The following MATR3 variants were observed in gnomAD, a reference collection of about 807,000 sequenced individuals.
The protein encoded by MATR3 is matrin-3.
In MATR3, 4 loss-of-function variants were observed where a neutral mutation model predicts 85.5. The observed-to-expected ratio is 0.05, with a 90% CI of 0.02 to 0.11. The LOEUF (loss-of-function observed/expected upper bound fraction) is 0.11, where lower values mean the gene tolerates loss of function less well. MATR3 is among the 10% of genes least tolerant of loss of function. MATR3 has a pLI of 1.00. For missense variants in MATR3, 685 were observed against 1,016.1 expected, an observed-to-expected ratio of 0.67 and a Z score of 4.43; for synonymous variants, 336 against 343.1, an observed-to-expected ratio of 0.98 and a Z score of 0.23.
At position 139,325,585 on chromosome 5, in the gene MATR3, A is replaced by G. The variant is rs200320584; in HGVS notation, c.2294A>G (p.Gln765Arg). The stretch of plus-strand genomic sequence containing the variant: ...GATACAAGTGAAAACGCAGATGGTC[A>G]AAGTGATGAGAACAAGGACGACTAT... ...NKDTSENADG[Q>R]SDENKDDYTI... Residue 765 changes from glutamine to arginine, a missense_variant, in exon 13 of 15, where the codon CAA (glutamine) becomes CGA (arginine). Physicochemically the swap from Gln to Arg is conservative, Grantham distance 43 (BLOSUM62 1). Transcript: ENST00000394805. The G allele has an allele frequency of 1.2e-6, 2 of 1,614,226 alleles. No homozygotes were observed. Among genetic ancestry groups the G allele is most frequent in the Non-Finnish European group, 1.7e-6 (2 of 1,180,044 alleles).
At position 139,308,178 on chromosome 5, in the gene MATR3, C is replaced by T. The variant is rs749245217; in HGVS notation, c.763C>T (p.Arg255Cys). 3 of 1,614,068 alleles carry T rather than the reference C, an allele frequency of 1.9e-6. No individual in the cohort carries two copies. Among genetic ancestry groups the T allele is most frequent in the South Asian group, 1.1e-5 (1 of 91,076 alleles). The change falls in exon 2 of 15, where the codon CGT becomes TGT. Residue 255 changes from arginine (R) to cysteine (C), a missense_variant. Around this residue, in one of 9 missense-constraint regions of MATR3, gnomAD observed 223 missense variants for 334.4 expected, o/e 0.67. Transcript: ENST00000394805. ...TGACAGTGAGTATGAGAGAATGGGACGTGGTCCTGGCCCCTTACAAGAGAG... is the reference window on the plus strand; with the variant it reads ...TGACAGTGAGTATGAGAGAATGGGATGTGGTCCTGGCCCCTTACAAGAGAG... Reference protein sequence around the residue: ...KFDSEYERMGRGPGPLQERSL... With the variant: ...KFDSEYERMGCGPGPLQERSL...
rs1176524079 is a variant in MATR3, at chr5:139,329,728, C to T, written c.*333C>T. ...AATGAAATTTAGTAGTTCCAAGTTT[C>T]AAAGAAATGTCAACATTTTATTCCA... is the stretch of plus-strand genomic sequence containing the variant. On this transcript the variant is annotated 3_prime_UTR_variant, in exon 15 of 15. Coordinates refer to ENST00000394805, the MANE Select transcript of MATR3 (RefSeq NM_018834.6). 4 of 458,466 alleles carry T rather than the reference C, an allele frequency of 8.7e-6. No individual in the cohort carries two copies. Among genetic ancestry groups the T allele is most frequent in the Admixed American group, 4.7e-5 (2 of 42,524 alleles). 28.4% of individuals were successfully genotyped at this position (458,466 alleles called of 1,614,324 possible). A position where few individuals can be genotyped will look rare whatever the true frequency, so the allele number is the denominator to read the frequency against.
chr5:139,293,666 G>A, upstream of MATR3: 1 of 259,062 alleles, frequency 3.9e-6, no homozygotes, highest in Non-Finnish European at 7.3e-6. Context: ...GAGCTCTCTC[G>A]CGAGAGTGGG....
At chr5:139,298,895 A>G (rs763380773) in intron 1 of MATR3, among the ~76,000 whole-genome samples, 26 of 152,252 alleles carry the variant, frequency 1.7e-4, no homozygotes, top group Non-Finnish European at 3.2e-4. Context: ...ATGTGCATAC[A>G]TAATGATACC....
upstream of MATR3, among the ~76,000 whole-genome samples, chr5:139,291,075 A>G (rs1169102168): frequency 1.3e-5 from 2 of 152,094 alleles, no homozygotes; most frequent in Non-Finnish European, 2.9e-5. Flanking sequence ...AGCCATGGTC[A>G]CACCACTGCA....
chr5:139,291,938 CTTTTTTTTTTTTTT>C (rs10572568), upstream of MATR3: 1 of 79,796 alleles, frequency 1.3e-5, no homozygotes, highest in Non-Finnish European at 2.4e-5. Flanking sequence ...ATTACATAAC[CTTTTTTTTTTTTTT>C]TTTTTTTTTT....
Position 139,314,753 on chromosome 5 carries a change from C to T in MATR3, c.974+17C>T. 2 of 1,607,692 alleles carry T rather than the reference C, an allele frequency of 1.2e-6. No homozygotes were observed. The highest frequency in any genetic ancestry group is 1.7e-6 in the Non-Finnish European group (2 of 1,174,468). On this transcript the variant is annotated intron_variant, in intron 3 of 14. Coordinates refer to ENST00000394805, the MANE Select transcript of MATR3 (RefSeq NM_018834.6). ...TCTTGAAATGTAGGAGTTTGAAATA[C>T]CTTTAAAACATCCTTATCGTGAATC...
chr5:139,328,712 T>C (rs1460415344), intron 14 of MATR3, among the ~76,000 whole-genome samples: 2 of 152,132 alleles, frequency 1.3e-5, no homozygotes, highest in Non-Finnish European at 2.9e-5. Context: ...TAATGAGTAG[T>C]GCATTGAGGC....
chr5:139,290,148 A>G (rs1009372469), upstream of MATR3, among the ~76,000 whole-genome samples: 1 of 150,504 alleles, frequency 6.6e-6, no homozygotes, highest in South Asian at 2.1e-4. Context: ...ATTGGCGCTC[A>G]GGCCTCTTTT....
upstream of MATR3, chr5:139,293,265 T>C (rs1406397363): frequency 6.6e-6 from 1 of 151,994 alleles, no homozygotes; most frequent in Admixed American, 6.6e-5. Flanking sequence ...GATAAATAAA[T>C]AAACATACCT....
intron 8 of MATR3, 136 bp downstream of exon 8, chr5:139,319,169 A>T (rs910809840): frequency 2.4e-6 from 3 of 1,258,556 alleles, no homozygotes; most frequent in African/African-American, 3.0e-5. Flanking sequence ...TGGGAGGCCA[A>T]GGTCAGAAGG....
At chr5:139,329,300 ATTTCTC>A (rs767602579) in intron 14 of MATR3, 39 bp from the exon 15 acceptor site, 1 of 1,396,632 alleles carries the variant, frequency 7.2e-7, no homozygotes, top group South Asian at 1.2e-5. Flanking sequence ...ATTTTGCTGC[ATTTCTC>A]TTAGGTGACT....
chr5:139,318,640 A>G (rs538298924), intron 7 of MATR3, among the ~76,000 whole-genome samples: 18 of 152,238 alleles, frequency 1.2e-4, no homozygotes, highest in Non-Finnish European at 2.2e-4. Context: ...ACGGGGTTTC[A>G]CCATGTTGGT....
intron 1 of MATR3, among the ~76,000 whole-genome samples, chr5:139,305,410 A>C (rs532603619): frequency 6.6e-6 from 1 of 152,222 alleles, no homozygotes; most frequent in Admixed American, 6.5e-5. Flanking sequence ...GGGAAAAAAT[A>C]ATTCAAAAGA....
At position 139,308,112 on chromosome 5, in the gene MATR3, G is replaced by A. The variant is rs1230910409; in HGVS notation, c.697G>A (p.Asp233Asn). The change falls in exon 2 of 15, where the codon GAT (aspartate) becomes AAT (asparagine). Residue 233 changes from aspartate (D) to asparagine (N), a missense_variant. Transcript: ENST00000394805. ...AAGAGATGGAGAAAGGTGTAGGGATGATTCTTTTTTTGGTGAGACCTCGCA... is the reference window on the plus strand; with the variant it reads ...AAGAGATGGAGAAAGGTGTAGGGATAATTCTTTTTTTGGTGAGACCTCGCA... ...RLRDGERCRD[D>N]SFFGETSHNY... is the part of the protein sequence containing the mutation. 1.2e-6 allele frequency: 2 copies of A among 1,614,020 alleles called. No homozygotes were observed. Among genetic ancestry groups the A allele is most frequent in the Non-Finnish European group, 1.7e-6 (2 of 1,179,996 alleles).
intron 2 of MATR3, among the ~76,000 whole-genome samples, chr5:139,276,972 T>C (rs1753300656): frequency 6.6e-6 from 1 of 152,192 alleles, no homozygotes; most frequent in South Asian, 2.1e-4. Context: ...ATTTCTCCTT[T>C]GGGCTGACAG....
intron 2 of MATR3, 112 bp downstream of exon 2, chr5:139,308,439 T>A: frequency 7.4e-7 from 1 of 1,347,542 alleles, no homozygotes; most frequent in Non-Finnish European, 1.1e-6. Context: ...CAAGCATTTT[T>A]AAACTTTTGA....
chr5:139,306,914 ATTC>A (rs1360537469), intron 1 of MATR3, among the ~76,000 whole-genome samples: 2 of 152,060 alleles, frequency 1.3e-5, no homozygotes, highest in East Asian at 3.9e-4. Context: ...GTGTATTTTT[ATTC>A]TTCTAAAAGA....
intron 1 of MATR3, among the ~76,000 whole-genome samples, chr5:139,299,270 G>A (rs979502930): frequency 6.6e-6 from 1 of 152,236 alleles, no homozygotes; most frequent in Non-Finnish European, 1.5e-5. Context: ...CAAGCATTGA[G>A]TAGTTTCTGT....
Sources: allele counts gnomAD v4.1 joint callset (sites outside exome capture counted in the v4.1 genomes callset), GRCh38; gene constraint gnomAD v4.1.1; regional missense constraint gnomAD v4.1.1; transcripts MANE v1.5; gene names NCBI Gene and HGNC (gene_info 2026-07-23, HGNC 2026-07-21).